The following DCLK1 variants were observed in gnomAD, a reference collection of about 807,000 sequenced individuals.
DCLK1 encodes doublecortin like kinase 1, also known as serine/threonine-protein kinase DCLK1.
Under a neutral mutation model 86.2 loss-of-function variants are expected in DCLK1, and 16 were observed. That is an observed-to-expected ratio of 0.19 (90% CI 0.13 to 0.28). The LOEUF (loss-of-function observed/expected upper bound fraction) is 0.28, where lower values mean the gene tolerates loss of function less well. Among genes scored for constraint, DCLK1 ranks in the 10% least tolerant of loss-of-function variants. The pLI, the probability that DCLK1 is intolerant of heterozygous loss-of-function variation, is 1.00. For missense variants in DCLK1, 590 were observed against 940.2 expected (o/e 0.63, Z 4.87); for synonymous variants, 369 against 370.5 (o/e 1.00, Z 0.05).
chr13:35,910,937 A>T (rs1230820829), intron 4 of DCLK1, among the ~76,000 whole-genome samples: 1 of 152,142 alleles, frequency 6.6e-6, no homozygotes, highest in Non-Finnish European at 1.5e-5. Context: ...TTCAAATCTT[A>T]CTTCGTGAAA....
At chr13:36,101,266 T>C (rs911430869) in intron 3 of DCLK1, among the ~76,000 whole-genome samples, 2 of 152,226 alleles carry the variant, frequency 1.3e-5, no homozygotes, top group African/African-American at 4.8e-5. Context: ...TTCCTGACTC[T>C]TTAACCTACG....
At chr13:35,855,807 C>T (rs1012193773) in intron 5 of DCLK1, 14 of 1,253,596 alleles carry the variant, frequency 1.1e-5, no homozygotes, top group South Asian at 3.4e-5. Context: ...CCCGACACCA[C>T]TCCCTTCCGG....
intron 3 of DCLK1, among the ~76,000 whole-genome samples, chr13:35,972,582 G>C (rs1050677775): frequency 2.0e-5 from 3 of 152,098 alleles, no homozygotes; most frequent in Non-Finnish European, 4.4e-5. Context: ...AACAGAGGTT[G>C]CCACACAGAG....
intron 5 of DCLK1, among the ~76,000 whole-genome samples, chr13:35,868,893 C>T (rs781335887): frequency 1.9e-4 from 29 of 152,274 alleles, no homozygotes; most frequent in Admixed American, 5.2e-4. Flanking sequence ...AAGGTTCAAG[C>T]GATTCTCCTG....
chr13:35,841,059 C>T (rs919648418), intron 6 of DCLK1, among the ~76,000 whole-genome samples: 2 of 152,120 alleles, frequency 1.3e-5, no homozygotes, highest in East Asian at 1.9e-4. Context: ...ACAATGTAGA[C>T]CTTCTCTTCT....
intron 4 of DCLK1, among the ~76,000 whole-genome samples, chr13:35,892,385 CT>C (rs1376929620): frequency 3.3e-5 from 5 of 152,180 alleles, no homozygotes; most frequent in Admixed American, 2.0e-4. Flanking sequence ...GGTAAGTCGC[CT>C]TTCTCTTTCC....
chr13:35,921,157 A>T (rs980980806), intron 4 of DCLK1, among the ~76,000 whole-genome samples: 5 of 152,062 alleles, frequency 3.3e-5, no homozygotes, highest in African/African-American at 1.2e-4. Context: ...ACCACATCCT[A>T]TTATTCCCAG....
intron 15 of DCLK1, among the ~76,000 whole-genome samples, chr13:35,793,990 C>G (rs1315888086): frequency 6.6e-6 from 1 of 152,170 alleles, no homozygotes; most frequent in Non-Finnish European, 1.5e-5. Flanking sequence ...TTCCAGGCAG[C>G]CTTCCAGGCA....
intron 11 of DCLK1, among the ~76,000 whole-genome samples, chr13:35,811,400 T>C (rs528845726): frequency 6.6e-6 from 1 of 152,230 alleles, no homozygotes; most frequent in South Asian, 2.1e-4. Context: ...GGTGGTAGGA[T>C]TACAGGTTTT....
chr13:35,812,090 A>G (rs867062124), intron 11 of DCLK1, among the ~76,000 whole-genome samples: 1 of 152,176 alleles, frequency 6.6e-6, no homozygotes, highest in African/African-American at 2.4e-5. Context: ...CTTTCACCCA[A>G]CAAATCAAGA....
At chr13:35,776,938 T>C (rs1264206340) in intron 16 of DCLK1, among the ~76,000 whole-genome samples, 1 of 152,242 alleles carries the variant, frequency 6.6e-6, no homozygotes, top group Non-Finnish European at 1.5e-5. Flanking sequence ...CACTTAATAT[T>C]GAGCCCATGC....
chr13:36,032,128 CTTTTCTTTTTTTTTCTT>C (rs915475618), intron 3 of DCLK1, among the ~76,000 whole-genome samples: 23 of 151,582 alleles, frequency 1.5e-4, no homozygotes, highest in South Asian at 4.2e-4. Context: ...TTTTCTTTTT[CTTTTCTTTTTTTTTCTT>C]TTTTCTTTTT....
At chr13:35,968,767 G>GA (rs540040866) in intron 3 of DCLK1, among the ~76,000 whole-genome samples, 171 of 147,634 alleles carry the variant, frequency 1.2e-3, no homozygotes, top group East Asian at 2.4e-3. Flanking sequence ...CTTTCTAAGA[G>GA]AAAAAAAAAA....
At chr13:35,801,703 A>T (rs9645964) in intron 15 of DCLK1, among the ~76,000 whole-genome samples, 16,636 of 152,160 alleles carry the variant, frequency 0.11, 1,053 homozygotes, top group East Asian at 0.18. Context: ...GAAGAGGCAG[A>T]AAGTTACTGC....
At chr13:35,992,785 A>T (rs550486185) in intron 3 of DCLK1, among the ~76,000 whole-genome samples, 2 of 152,258 alleles carry the variant, frequency 1.3e-5, no homozygotes, top group East Asian at 3.9e-4. Context: ...ACATTTTATG[A>T]TCACTCTATT....
At chr13:35,823,574 G>A (rs913231291) in intron 10 of DCLK1, among the ~76,000 whole-genome samples, 1 of 152,068 alleles carries the variant, frequency 6.6e-6, no homozygotes, top group Non-Finnish European at 1.5e-5. Flanking sequence ...CTGAACTTTT[G>A]TTTCCTTTGC....
At chr13:36,116,059 C>A (rs376505505) in intron 2 of DCLK1, among the ~76,000 whole-genome samples, 1 of 151,722 alleles carries the variant, frequency 6.6e-6, no homozygotes, top group Non-Finnish European at 1.5e-5. Context: ...AAGCAATTCT[C>A]CTGCCTCAGC....
At chr13:35,981,545 A>G (rs1168747734) in intron 3 of DCLK1, among the ~76,000 whole-genome samples, 1 of 152,164 alleles carries the variant, frequency 6.6e-6, no homozygotes, top group African/African-American at 2.4e-5. Context: ...TGCACATTCT[A>G]TGAACAAATT....
chr13:36,090,943 G>T (rs1301610322), intron 3 of DCLK1, among the ~76,000 whole-genome samples: 2 of 152,070 alleles, frequency 1.3e-5, no homozygotes, highest in Non-Finnish European at 2.9e-5. Flanking sequence ...CATAGCCCAT[G>T]GCATTATAAA....
Sources: gnomAD v4.1 joint callset for allele counts (sites outside exome capture counted in the v4.1 genomes callset) on GRCh38, gnomAD v4.1.1 for gene constraint, MANE v1.5 for transcripts, NCBI Gene and HGNC (gene_info 2026-07-23, HGNC 2026-07-21) for gene names.